The following ZNF572 variants were observed in gnomAD, a reference collection of about 807,000 sequenced individuals.
ZNF572 encodes the protein zinc finger protein 572.
A neutral mutation model predicts 3.8 loss-of-function variants in ZNF572; 2 were observed. The ratio of observed to expected loss-of-function variants is 0.52; its 90% confidence interval spans 0.21 to 1.65. ZNF572 has a LOEUF of 1.65. ZNF572 is among the 40% of genes most tolerant of loss of function. The pLI is 0.20. For missense variants in ZNF572, 581 were observed against 633.4 expected (o/e 0.92, Z 0.89); for synonymous variants, 187 against 204.5 (o/e 0.91, Z 0.73).
chr8:124,976,117 C>G (rs543291173), intron 2 of ZNF572, among the ~76,000 whole-genome samples: 1 of 151,990 alleles, frequency 6.6e-6, no homozygotes, highest in Non-Finnish European at 1.5e-5. Context: ...TTGATGTTCC[C>G]TTTGCCAATA....
chr8:124,974,524 T>G (rs1277045769), intron 1 of ZNF572, among the ~76,000 whole-genome samples: 1 of 152,236 alleles, frequency 6.6e-6, no homozygotes, highest in Non-Finnish European at 1.5e-5. Flanking sequence ...ACAATATAAG[T>G]ACATATACTA....
chr8:124,973,968 A>G (rs1814471361), intron 1 of ZNF572, among the ~76,000 whole-genome samples: 2 of 152,140 alleles, frequency 1.3e-5, no homozygotes, highest in Admixed American at 1.3e-4. Flanking sequence ...GTAACTTAGG[A>G]CAGCAAAATA....
rs946029652 is a variant in ZNF572 at position 124,978,991 on chromosome 8, A to G, written c.*1133A>G. ...TTTTGCCTCTTGACATAATTGGTAT[A>G]TGGATCTGATAACTGAGGTCCCATC... On this transcript the variant is annotated 3_prime_UTR_variant, in exon 3 of 3. Coordinates refer to ENST00000319286, the MANE Select transcript of ZNF572 (RefSeq NM_152412.3). 1.6e-4 allele frequency: 24 copies of G among 152,218 alleles called. No individual in the cohort carries two copies. Among genetic ancestry groups the G allele is most frequent in the African/African-American group, 5.1e-4 (21 of 41,452 alleles). The allele number at this position is 152,218 out of a possible 1,614,324, so 9.4% of individuals were successfully genotyped here. A position where few individuals can be genotyped will look rare whatever the true frequency, so the allele number is the denominator to read the frequency against.
rs541553493 is a variant in ZNF572 at position 124,977,283 on chromosome 8, C to T, written c.1015C>T (p.Arg339Cys). 7.3e-5 allele frequency: 117 copies of T among 1,613,364 alleles called. 1 individual carries two copies. The South Asian group carries it at 1.0e-3, about 14-fold the overall frequency. Residue 339 changes from arginine (R) to cysteine (C), a missense_variant, in exon 3 of 3, where the codon CGT (arginine) becomes TGT (cysteine). Arg to Cys is a radical substitution (Grantham distance 180). Coordinates refer to ENST00000319286, the MANE Select transcript of ZNF572 (RefSeq NM_152412.3). ...QCPECGKNFSRSSNLITHQKM... is the reference protein window; with the variant it reads ...QCPECGKNFSCSSNLITHQKM... ...TCCAGAATGTGGGAAGAATTTTAGT[C>T]GTAGTTCAAACCTTATTACACACCA... is the stretch of plus-strand genomic sequence containing the variant.
rs1564127008 is a variant in ZNF572, at chr8:124,977,303, A to G, written c.1035A>G (p.Thr345=). 3 of 1,613,174 alleles carry G rather than the reference A, an allele frequency of 1.9e-6. No homozygotes were observed. The highest frequency in any genetic ancestry group is 8.5e-7 in the Non-Finnish European group (1 of 1,179,722). Residue 345 remains threonine, a synonymous_variant, in exon 3 of 3, where the codon ACA becomes ACG. Coordinates refer to ENST00000319286, the MANE Select transcript of ZNF572 (RefSeq NM_152412.3). The stretch of plus-strand genomic sequence containing the variant: ...TTAGTCGTAGTTCAAACCTTATTAC[A>G]CACCAGAAAATGCACACAGGAGAGA... ...KNFSRSSNLI[T]HQKMHTGEKS...
chr8:124,973,380 G>A lies in ZNF572; in HGVS notation c.-72G>A, dbSNP rs935686594. The A allele has an allele frequency of 6.6e-6, 1 of 152,432 alleles. No homozygotes were observed. Among genetic ancestry groups the A allele is most frequent in the African/African-American group, 2.4e-5 (1 of 41,460 alleles). 9.4% of individuals were successfully genotyped at this position (152,432 alleles called of 1,614,324 possible). On this transcript the variant is annotated 5_prime_UTR_variant, in exon 1 of 3. Coordinates refer to ENST00000319286, the MANE Select transcript of ZNF572 (RefSeq NM_152412.3). Reference sequence around the variant, plus strand: ...GGGGGTACCTTCCTCCCGGACCGCTGGGGGTGCAGGGCGCCTTGGGTGTAG... The same window carrying A: ...GGGGGTACCTTCCTCCCGGACCGCTAGGGGTGCAGGGCGCCTTGGGTGTAG...
At position 124,977,806 on chromosome 8, in the gene ZNF572, C is replaced by T; in HGVS notation, c.1538C>T (p.Ser513Leu). ...FPHEWTWKNC[S>L]GEMPFISSFS... ...CATGAATGGACTTGGAAAAACTGTT[C>T]AGGGGAAATGCCCTTCATCTCTTCA... Residue 513 changes from serine (S) to leucine (L), a missense_variant, in exon 3 of 3, where the codon TCA (serine) becomes TTA (leucine). Transcript: ENST00000319286. 1 of 1,611,594 alleles carries T rather than the reference C, an allele frequency of 6.2e-7. No individual in the cohort carries two copies. Among genetic ancestry groups the T allele is most frequent in the Non-Finnish European group, 8.5e-7 (1 of 1,178,186 alleles).
At chr8:124,973,925 T>C (rs1418014276) in intron 1 of ZNF572, among the ~76,000 whole-genome samples, 1 of 152,234 alleles carries the variant, frequency 6.6e-6, no homozygotes, top group Non-Finnish European at 1.5e-5. Context: ...GCCCAGACTC[T>C]TGCTGCTTTT....
chr8:124,974,714 AGTCTTGCTCT>A (rs1814483839), intron 1 of ZNF572, among the ~76,000 whole-genome samples: 1 of 151,392 alleles, frequency 6.6e-6, no homozygotes, highest in Non-Finnish European at 1.5e-5. Context: ...GTTGAGACAG[AGTCTTGCTCT>A]GTCACCCAGG....
chr8:124,975,906 TAGTG>T (rs1814499991), intron 2 of ZNF572, among the ~76,000 whole-genome samples, 187 bp downstream of exon 2: 2 of 152,216 alleles, frequency 1.3e-5, no homozygotes, highest in South Asian at 4.1e-4. Context: ...ATTTTAGAAT[TAGTG>T]AGATACCGTA....
Position 124,977,619 on chromosome 8 carries a change from C to T in ZNF572, c.1351C>T (p.Gln451Ter). The change falls in exon 3 of 3, where the codon CAG (glutamine) becomes TAG (stop). Residue 451 changes from glutamine (Q) to a stop codon, truncating the protein, a stop_gained. Transcript: ENST00000319286. LOFTEE classifies it low-confidence loss of function (END_TRUNC). ...KCPDCGESFS[Q>*]SFNLIRHRRT... is the part of the protein sequence containing the mutation. ...TCCTGATTGTGGTGAAAGCTTCAGTCAGAGCTTTAACCTTATCAGGCACCG... is the reference window on the plus strand; with the variant it reads ...TCCTGATTGTGGTGAAAGCTTCAGTTAGAGCTTTAACCTTATCAGGCACCG... The T allele has an allele frequency of 6.2e-7, 1 of 1,614,180 alleles. No individual in the cohort carries two copies. Among genetic ancestry groups the T allele is most frequent in the Non-Finnish European group, 8.5e-7 (1 of 1,180,006 alleles).
Position 124,978,949 on chromosome 8 carries a change from T to C in ZNF572, c.*1091T>C, listed in dbSNP as rs1299147465. ...AAGGAGTACTGAGACTTCTTAGCTTTGGTACTGACAGTTTTCTTTTGCCTC... is the reference window on the plus strand; with the variant it reads ...AAGGAGTACTGAGACTTCTTAGCTTCGGTACTGACAGTTTTCTTTTGCCTC... On this transcript the variant is annotated 3_prime_UTR_variant, in exon 3 of 3. Coordinates refer to ENST00000319286, the MANE Select transcript of ZNF572 (RefSeq NM_152412.3). 3 of 152,262 alleles carry C rather than the reference T, an allele frequency of 2.0e-5. No individual in the cohort carries two copies. The highest frequency in any genetic ancestry group is 7.2e-5 in the African/African-American group (3 of 41,464). 9.4% of individuals were successfully genotyped at this position (152,262 alleles called of 1,614,324 possible).
At chr8:124,973,633 C>T (rs912200878) in intron 1 of ZNF572, among the ~76,000 whole-genome samples, 2 of 152,200 alleles carry the variant, frequency 1.3e-5, no homozygotes, top group African/African-American at 2.4e-5. Flanking sequence ...TGGAACTTCA[C>T]CCCCCAGCGT....
In ZNF572 at chr8:124,976,661, C is replaced by G. The variant is rs1260152878; in HGVS notation, c.393C>G (p.Pro131=). The change falls in exon 3 of 3, where the codon CCC becomes CCG. Residue 131 remains proline, a synonymous_variant. Transcript: ENST00000319286. ...AGAATTCATCCTTTGTAGACAGACC[C>G]TATAAATGTTCCGAATGTTGGAAAA... is the stretch of plus-strand genomic sequence containing the variant. ...VQQNSSFVDR[P]YKCSECWKSF... The G allele has an allele frequency of 1.9e-6, 3 of 1,614,076 alleles. No individual in the cohort carries two copies. Among genetic ancestry groups the G allele is most frequent in the Admixed American group, 1.7e-5 (1 of 60,006 alleles).
chr8:124,975,564 C>T (rs373668738), intron 1 of ZNF572, 42 bp from the exon 2 acceptor site: 1 of 1,224,898 alleles, frequency 8.2e-7, no homozygotes, highest in Non-Finnish European at 1.2e-6. Flanking sequence ...GAAGAATAAG[C>T]TTTAACAAAT....
Position 124,978,729 on chromosome 8 carries a change from G to A in ZNF572, c.*871G>A, listed in dbSNP as rs909862926. 6.6e-6 allele frequency: 1 copy of A among 152,198 alleles called. No homozygotes were observed. The highest frequency in any genetic ancestry group is 1.5e-5 in the Non-Finnish European group (1 of 68,040). The allele number at this position is 152,198 out of a possible 1,614,324, so 9.4% of individuals were successfully genotyped here. On this transcript the variant is annotated 3_prime_UTR_variant, in exon 3 of 3. Coordinates refer to ENST00000319286, the MANE Select transcript of ZNF572 (RefSeq NM_152412.3). ...CATGTGCTGCCAACTGAGTTATCTA[G>A]TGATATGACCTCACTGTCTTGACCA...
chr8:124,976,056 G>GT lies in ZNF572; in HGVS notation c.80-286dup, dbSNP rs1370935905. 3.9e-5 allele frequency among the ~76,000 whole-genome samples: 6 copies of GT among 152,026 alleles called. No homozygotes were observed. In the East Asian group the frequency reaches 1.2e-3, roughly 29 times the overall value. ...TTTAACTTCTATTCACATCAATCCT[G>GT]TTTTTTCTCTTAAGTCTTCTAGAAC... On this transcript the variant is annotated intron_variant, in intron 2 of 2. Transcript: ENST00000319286.
In ZNF572 at chr8:124,977,090, C is replaced by A; in HGVS notation, c.822C>A (p.Cys274Ter). 1 of 1,609,932 alleles carries A rather than the reference C, an allele frequency of 6.2e-7. No individual in the cohort carries two copies. The highest frequency in any genetic ancestry group is 1.1e-5 in the South Asian group (1 of 91,082). ...ACACTGGAGAAAAACCTTATAAGTG[C>A]CCTGATTGTGGGAAGAGTTTTAGTC... ...RTHTGEKPYK[C>*]PDCGKSFSQS... Residue 274 changes from cysteine (C) to a stop codon, truncating the protein, a stop_gained, in exon 3 of 3, where the codon TGC becomes TGA. Transcript: ENST00000319286. LOFTEE classifies it low-confidence loss of function (END_TRUNC).
In ZNF572 at chr8:124,977,062, C is replaced by G; in HGVS notation, c.794C>G (p.Thr265Ser). Residue 265 changes from threonine (T) to serine (S), a missense_variant, in exon 3 of 3, where the codon ACT becomes AGT. Transcript: ENST00000319286. ...HSYVLIEHQR[T>S]HTGEKPYKCP... is the part of the protein sequence containing the mutation. Reference sequence around the variant, plus strand: ...TATGTCCTAATAGAACATCAGAGGACTCACACTGGAGAAAAACCTTATAAG... The same window carrying G: ...TATGTCCTAATAGAACATCAGAGGAGTCACACTGGAGAAAAACCTTATAAG... 1 of 1,612,070 alleles carries G rather than the reference C, an allele frequency of 6.2e-7. No homozygotes were observed. The highest frequency in any genetic ancestry group is 8.5e-7 in the Non-Finnish European group (1 of 1,180,012).
Sources: allele counts gnomAD v4.1 joint callset (sites outside exome capture counted in the v4.1 genomes callset), GRCh38; gene constraint gnomAD v4.1.1; transcripts MANE v1.5; gene names NCBI Gene and HGNC (gene_info 2026-07-23, HGNC 2026-07-21).